Variants in PDLIM5 observed in about 807,000 individuals in gnomAD.
The protein encoded by PDLIM5 is PDZ and LIM domain protein 5.
In PDLIM5, 34 loss-of-function variants were observed where a neutral mutation model predicts 64.2. The observed-to-expected ratio is 0.53, with a 90% CI of 0.40 to 0.71. The LOEUF (loss-of-function observed/expected upper bound fraction) is 0.71. PDLIM5 is among the 30% of genes least tolerant of loss of function. The probability of loss-of-function intolerance (pLI) is 0.00; values close to 1 mark genes in which losing one functional copy is unlikely to be tolerated. For synonymous variants in PDLIM5, 253 were observed against 269.1 expected, an observed-to-expected ratio of 0.94 and a Z score of 0.59; for missense variants, 683 against 733.6, an observed-to-expected ratio of 0.93 and a Z score of 0.80.
intron 8 of PDLIM5, among the ~76,000 whole-genome samples, chr4:94,633,087 A>G (rs1740285824): frequency 6.6e-6 from 1 of 152,174 alleles, no homozygotes; most frequent in African/African-American, 2.4e-5. Context: ...TGGCATTATG[A>G]TTATGTTTTT....
chr4:94,485,802 A>G (rs1278541503), intron 2 of PDLIM5, among the ~76,000 whole-genome samples: 1 of 145,268 alleles, frequency 6.9e-6, no homozygotes, highest in Non-Finnish European at 1.5e-5. Context: ...GCGAGCCAAT[A>G]TTGCGCCACT....
rs1202932764 is a variant in PDLIM5 at position 94,666,762 on chromosome 4, G to A, written c.*2695G>A. 6.6e-6 allele frequency: 1 copy of A among 152,106 alleles called. No homozygotes were observed. 9.4% of individuals were successfully genotyped at this position (152,106 alleles called of 1,614,324 possible). A position where few individuals can be genotyped will look rare whatever the true frequency, so the allele number is the denominator to read the frequency against. On this transcript the variant is annotated 3_prime_UTR_variant, in exon 13 of 13. Transcript: ENST00000317968. ...CATATTATTCATGAAGCATAATGTT[G>A]CATTTCTCCAAATTTTATGCCTGAA...
intron 8 of PDLIM5, among the ~76,000 whole-genome samples, chr4:94,621,048 G>A (rs1240463128): frequency 7.0e-6 from 1 of 142,820 alleles, no homozygotes; most frequent in Non-Finnish European, 1.5e-5. Flanking sequence ...TCCAGCCTGG[G>A]TGGCAGAGTG....
intron 4 of PDLIM5, among the ~76,000 whole-genome samples, chr4:94,574,382 C>T (rs1735068506): frequency 6.6e-6 from 1 of 151,468 alleles, no homozygotes. Context: ...TCTGTAGTCC[C>T]AGCTAGCCAG....
chr4:94,534,843 T>G lies in PDLIM5; in HGVS notation c.248+10968T>G, dbSNP rs565837119. The stretch of plus-strand genomic sequence containing the variant: ...ACAGCGAGGGAAGTCAGGTAGGTAG[T>G]CGGGTAACTACTTGACTTCCCTGAC... On this transcript the variant is annotated intron_variant, in intron 3 of 12. Transcript: ENST00000317968. Among the ~76,000 whole-genome samples, 4 of 152,214 alleles carry G rather than the reference T, an allele frequency of 2.6e-5. No homozygotes were observed. The South Asian group carries it at 8.3e-4, about 32-fold the overall frequency.
In PDLIM5 at chr4:94,523,741, G is replaced by T. The variant is rs1200331830; in HGVS notation, c.114G>T (p.Lys38Asn). Reference protein sequence around the residue: ...LTISSLKDGGKAAQANVRIGD... With the variant: ...LTISSLKDGGNAAQANVRIGD... The stretch of plus-strand genomic sequence containing the variant: ...TATTACAGCTAAAAGATGGCGGCAA[G>T]GCAGCCCAGGCAAATGTAAGAATAG... Residue 38 changes from lysine to asparagine, a missense_variant, in exon 3 of 13, where the codon AAG becomes AAT. Coordinates refer to ENST00000317968, the MANE Select transcript of PDLIM5 (RefSeq NM_006457.5). 1.2e-5 allele frequency: 19 copies of T among 1,612,830 alleles called. No individual in the cohort carries two copies. The highest frequency in any genetic ancestry group is 1.0e-4 in the Admixed American group (6 of 59,962).
chr4:94,470,192 C>T (rs1371727002), intron 2 of PDLIM5, among the ~76,000 whole-genome samples: 1 of 152,046 alleles, frequency 6.6e-6, no homozygotes, highest in East Asian at 1.9e-4. Flanking sequence ...TCTTGATCTC[C>T]TGACCTCGTG....
intron 8 of PDLIM5, among the ~76,000 whole-genome samples, chr4:94,630,848 C>T (rs1740090383): frequency 6.6e-6 from 1 of 152,140 alleles, no homozygotes; most frequent in South Asian, 2.1e-4. Context: ...GAAGTATTCA[C>T]ACCAATATGA....
intron 3 of PDLIM5, among the ~76,000 whole-genome samples, chr4:94,536,505 A>AC (rs1179796235): frequency 2.0e-5 from 3 of 152,168 alleles, no homozygotes; most frequent in Admixed American, 1.3e-4. Context: ...GTCATACCCA[A>AC]CCCTTCAAAA....
chr4:94,582,710 C>A, intron 5 of PDLIM5: 1 of 1,571,454 alleles, frequency 6.4e-7, no homozygotes, highest in African/African-American at 1.3e-5. Context: ...TGTTATTCTT[C>A]CCTCAGTAAC....
At chr4:94,468,627 T>A (rs565396831) in intron 2 of PDLIM5, among the ~76,000 whole-genome samples, 2 of 152,298 alleles carry the variant, frequency 1.3e-5, no homozygotes, top group South Asian at 4.1e-4. Context: ...TTTAGGTGCA[T>A]ATGTCTGTGG....
intron 3 of PDLIM5, among the ~76,000 whole-genome samples, chr4:94,570,534 A>G (rs891825897): frequency 6.6e-6 from 1 of 152,342 alleles, no homozygotes; most frequent in African/African-American, 2.4e-5. Context: ...TCTTTACATA[A>G]TCTCAAACCA....
At chr4:94,526,247 A>G (rs1018024184) in intron 3 of PDLIM5, among the ~76,000 whole-genome samples, 3 of 152,246 alleles carry the variant, frequency 2.0e-5, no homozygotes, top group African/African-American at 7.2e-5. Flanking sequence ...AAGAGTAGAT[A>G]AAAACCAGAT....
chr4:94,524,197 C>T (rs930435518), intron 3 of PDLIM5, among the ~76,000 whole-genome samples: 9 of 151,730 alleles, frequency 5.9e-5, no homozygotes, highest in South Asian at 2.1e-4. Context: ...AATGAGTCCT[C>T]GTCTCTACAA....
intron 5 of PDLIM5, chr4:94,584,943 G>T: frequency 1.5e-6 from 2 of 1,370,382 alleles, no homozygotes; most frequent in South Asian, 1.3e-5. Context: ...TTTTCTTCAT[G>T]TTGGAAATCT....
intron 3 of PDLIM5, among the ~76,000 whole-genome samples, chr4:94,547,892 C>A (rs1360727062): frequency 6.6e-6 from 1 of 152,170 alleles, no homozygotes; most frequent in Non-Finnish European, 1.5e-5. Flanking sequence ...TCATTCAGGA[C>A]TACTGTTGAG....
intron 2 of PDLIM5, among the ~76,000 whole-genome samples, chr4:94,493,134 G>T (rs1727020096): frequency 6.6e-6 from 1 of 151,918 alleles, no homozygotes; most frequent in Non-Finnish European, 1.5e-5. Flanking sequence ...CTTTTTATGT[G>T]CTTATTGGAC....
chr4:94,666,048 C>T lies in PDLIM5; in HGVS notation c.*1981C>T. 4.6e-6 allele frequency: 7 copies of T among 1,530,162 alleles called. No individual in the cohort carries two copies. The highest frequency in any genetic ancestry group is 6.1e-6 in the Non-Finnish European group (7 of 1,142,570). 94.8% of individuals were successfully genotyped at this position (1,530,162 alleles called of 1,614,324 possible). On this transcript the variant is annotated 3_prime_UTR_variant, in exon 13 of 13. Transcript: ENST00000317968. ...AGAATGGATGAAAGTCCATGAACCT[C>T]CTAAGTTATAATTTAAATTTGTTTG...
At chr4:94,606,660 T>C (rs897298144) in intron 7 of PDLIM5, among the ~76,000 whole-genome samples, 1 of 152,218 alleles carries the variant, frequency 6.6e-6, no homozygotes, top group Non-Finnish European at 1.5e-5. Context: ...TTTGTATTTT[T>C]CAGAGTTCAC....
Sources: gnomAD v4.1 joint callset for allele counts (sites outside exome capture counted in the v4.1 genomes callset) on GRCh38, gnomAD v4.1.1 for gene constraint, MANE v1.5 for transcripts, NCBI Gene and HGNC (gene_info 2026-07-23, HGNC 2026-07-21) for gene names.